DNAH11: variants seen among roughly 807,000 people sequenced by gnomAD.
DNAH11 encodes the protein axonemal beta dynein heavy chain 11.
Under a neutral mutation model 526.0 loss-of-function variants are expected in DNAH11, and 442 were observed. The observed-to-expected ratio is 0.84, with a 90% CI of 0.78 to 0.91. The LOEUF (loss-of-function observed/expected upper bound fraction) is 0.91, where lower values mean the gene tolerates loss of function less well. DNAH11 is among the 40% of genes least tolerant of loss of function. The pLI is 0.00. For synonymous variants in DNAH11, 2,461 were observed against 1,935.9 expected (o/e 1.27, Z -7.12); for missense variants, 6,989 against 5,448.7 (o/e 1.28, Z -8.90).
chr7:21,814,696 T>C (rs1789698117), intron 63 of DNAH11, among the ~76,000 whole-genome samples: 1 of 152,132 alleles, frequency 6.6e-6, no homozygotes, highest in African/African-American at 2.4e-5. Context: ...CACTAGGTGA[T>C]AGGAATTTTT....
chr7:21,774,038 C>G lies in DNAH11; in HGVS notation c.9336+39C>G, dbSNP rs750127524. ...GTGTTATTACTGAGTAATATTTATG[C>G]TGTTTAACAGAAAAATATATTTCCT... On this transcript the variant is annotated intron_variant, in intron 56 of 81. Coordinates refer to ENST00000409508, the MANE Select transcript of DNAH11 (RefSeq NM_001277115.2). The G allele has an allele frequency of 5.5e-6, 8 of 1,444,228 alleles. No homozygotes were observed. The South Asian group carries it at 1.1e-4, about 20-fold the overall frequency. 89.5% of individuals were successfully genotyped at this position (1,444,228 alleles called of 1,614,324 possible).
chr7:21,662,507 T>A (rs557143205), intron 30 of DNAH11, among the ~76,000 whole-genome samples: 1 of 152,282 alleles, frequency 6.6e-6, no homozygotes, highest in South Asian at 2.1e-4. Flanking sequence ...AGGTAAATAC[T>A]GTGTATATTT....
intron 45 of DNAH11, among the ~76,000 whole-genome samples, chr7:21,730,679 AGGGGCTG>A (rs1243368388): frequency 6.6e-6 from 1 of 152,230 alleles, no homozygotes; most frequent in East Asian, 1.9e-4. Flanking sequence ...GGTGGCTACC[AGGGGCTG>A]GAGTTAGGAG....
At chr7:21,895,714 G>A (rs1784487453) in intron 79 of DNAH11, among the ~76,000 whole-genome samples, 1 of 151,906 alleles carries the variant, frequency 6.6e-6, no homozygotes, top group Non-Finnish European at 1.5e-5. Flanking sequence ...TCTTTACATT[G>A]TAGCATGCAC....
At chr7:21,544,333 A>G (rs1332055050) in intron 1 of DNAH11, among the ~76,000 whole-genome samples, 1 of 152,214 alleles carries the variant, frequency 6.6e-6, no homozygotes, top group East Asian at 1.9e-4. Flanking sequence ...GGTCATTGTA[A>G]TAGTTGGGAA....
chr7:21,635,639 C>T (rs1786826861), intron 25 of DNAH11, among the ~76,000 whole-genome samples: 1 of 151,974 alleles, frequency 6.6e-6, no homozygotes, highest in Admixed American at 6.6e-5. Flanking sequence ...GAGGAGATAA[C>T]AGTTGCATAT....
Position 21,900,036 on chromosome 7 carries a change from A to ACTG in DNAH11, c.13223_13225dup (p.Ala4408dup). 6.2e-7 allele frequency: 1 copy of ACTG among 1,613,970 alleles called. No homozygotes were observed. ...GTGGCCCCTGGATAAAACGCGCTTG[A>ACTG]CTGCTGATGTTACCAAAAAAACAAA... is the stretch of plus-strand genomic sequence containing the variant. On this transcript the variant is annotated inframe_insertion, in exon 81 of 82. Coordinates refer to ENST00000409508, the MANE Select transcript of DNAH11 (RefSeq NM_001277115.2).
In DNAH11 at chr7:21,816,490, C is replaced by T; in HGVS notation, c.10356C>T (p.Gly3452=). The change falls in exon 64 of 82, where the codon GGC becomes GGT. Residue 3452 remains glycine, a synonymous_variant. Transcript: ENST00000409508. Reference sequence around the variant, plus strand: ...AGGTTTCCATTCCACTAACCGAAGGCCTGGACTTGATATCCATGTTGACGG... The same window carrying T: ...AGGTTTCCATTCCACTAACCGAAGGTCTGGACTTGATATCCATGTTGACGG... ...QQKVSIPLTE[G]LDLISMLTDD... 1 of 1,609,434 alleles carries T rather than the reference C, an allele frequency of 6.2e-7. No individual in the cohort carries two copies. The highest frequency in any genetic ancestry group is 8.5e-7 in the Non-Finnish European group (1 of 1,178,072).
chr7:21,755,190 G>A (rs746898268), intron 54 of DNAH11, among the ~76,000 whole-genome samples: 17 of 152,194 alleles, frequency 1.1e-4, no homozygotes, highest in Non-Finnish European at 1.9e-4. Flanking sequence ...ACCTCTGAAT[G>A]CCAGAGGGCA....
At chr7:21,749,626 C>T (rs1306805771) in intron 52 of DNAH11, 52 bp from the exon 53 acceptor site, 2 of 1,604,886 alleles carry the variant, frequency 1.2e-6, no homozygotes, top group African/African-American at 2.7e-5. Flanking sequence ...CACAACCTCT[C>T]AACGCCGCAT....
intron 25 of DNAH11, among the ~76,000 whole-genome samples, chr7:21,623,168 A>C (rs947487245): frequency 4.1e-4 from 63 of 152,314 alleles, no homozygotes; most frequent in African/African-American, 1.4e-3. Flanking sequence ...ATGAACAGAC[A>C]CTTCTCAAAA....
intron 14 of DNAH11, among the ~76,000 whole-genome samples, chr7:21,592,338 A>T (rs1784718982): frequency 6.6e-6 from 1 of 152,180 alleles, no homozygotes; most frequent in Admixed American, 6.5e-5. Flanking sequence ...ACTGACAGGG[A>T]ACAAAGCATA....
chr7:21,591,496 C>CT lies in DNAH11; in HGVS notation c.2588dup (p.Leu863PhefsTer6). On this transcript the variant is annotated frameshift_variant, in exon 14 of 82. Coordinates refer to ENST00000409508, the MANE Select transcript of DNAH11 (RefSeq NM_001277115.2). LOFTEE classifies it high-confidence loss of function. ...AGCACAGACGAGAGGCAGCCTTCACCTTGGAGGACAAGGGTGATTTGTTTA... is the reference window on the plus strand; with the variant it reads ...AGCACAGACGAGAGGCAGCCTTCACCTTTGGAGGACAAGGGTGATTTGTTTA... 6.2e-7 allele frequency: 1 copy of CT among 1,612,184 alleles called. No individual in the cohort carries two copies. The highest frequency in any genetic ancestry group is 8.5e-7 in the Non-Finnish European group (1 of 1,178,574).
At chr7:21,547,834 C>T (rs1235488378) in intron 2 of DNAH11, among the ~76,000 whole-genome samples, 1 of 152,134 alleles carries the variant, frequency 6.6e-6, no homozygotes, top group East Asian at 1.9e-4. Flanking sequence ...TATCTAAACC[C>T]TTTTGGTTCT....
chr7:21,726,729 C>T (rs1209457651), intron 45 of DNAH11, among the ~76,000 whole-genome samples: 9 of 149,428 alleles, frequency 6.0e-5, no homozygotes, highest in Non-Finnish European at 8.9e-5. Flanking sequence ...GGTGTGGTGG[C>T]GGGCGCCTGT....
chr7:21,645,174 G>C (rs752852078), intron 28 of DNAH11, among the ~76,000 whole-genome samples: 7 of 152,292 alleles, frequency 4.6e-5, no homozygotes, highest in Non-Finnish European at 8.8e-5. Context: ...TGCCAGCGAG[G>C]AGTTTCTAGG....
At chr7:21,900,850 C>A (rs1766765304) in intron 81 of DNAH11, 157 bp from the exon 82 acceptor site, 10 of 1,278,578 alleles carry the variant, frequency 7.8e-6, no homozygotes, top group Non-Finnish European at 8.4e-6. Flanking sequence ...ACCTACCTTT[C>A]AAAGCTCAGT....
chr7:21,737,696 G>A (rs535799556), intron 46 of DNAH11, among the ~76,000 whole-genome samples: 15 of 152,316 alleles, frequency 9.8e-5, no homozygotes, highest in South Asian at 2.1e-4. Flanking sequence ...CATGGGACCA[G>A]GAGAGAGAGA....
At chr7:21,723,142 A>G (rs1784947246) in intron 44 of DNAH11, among the ~76,000 whole-genome samples, 1 of 152,212 alleles carries the variant, frequency 6.6e-6, no homozygotes, top group Non-Finnish European at 1.5e-5. Context: ...CAGACACAAT[A>G]AATGTTCTCA....
Sources: gnomAD v4.1 joint callset for allele counts (sites outside exome capture counted in the v4.1 genomes callset) on GRCh38, gnomAD v4.1.1 for gene constraint, MANE v1.5 for transcripts, NCBI Gene and HGNC (gene_info 2026-07-23, HGNC 2026-07-21) for gene names.